Variants in CTNND2 observed in about 807,000 individuals in gnomAD.
The protein encoded by CTNND2 is catenin delta-2.
CTNND2 carries 22 observed loss-of-function variants against 144.4 expected under a neutral mutation model. The observed-to-expected ratio is 0.15, with a 90% confidence interval of 0.11 to 0.22. The LOEUF is 0.22. CTNND2 is among the 10% of genes least tolerant of loss of function. The pLI is 1.00. For missense variants in CTNND2, 1,353 were observed against 1,618.8 expected (o/e 0.84, Z 2.82); for synonymous variants, 751 against 695.6 (o/e 1.08, Z -1.25).
rs78571061 is a variant in CTNND2, at chr5:11,530,769, C to T, written c.287+34175G>A. 2.8e-3 allele frequency among the ~76,000 whole-genome samples: 431 copies of T among 152,230 alleles called. 9 individuals are homozygous for T. The East Asian group carries it at 0.051, about 18-fold the overall frequency. ...TCTACAACTACGTGTTTCTAGCTTC[C>T]CTTTTGTACTTAGCAAACATGATGG... On this transcript the variant is annotated intron_variant, in intron 3 of 21. Coordinates refer to ENST00000304623, the MANE Select transcript of CTNND2 (RefSeq NM_001332.4).
At chr5:11,814,207 A>AT in intron 1 of CTNND2, among the ~76,000 whole-genome samples, 1 of 152,354 alleles carries the variant, frequency 6.6e-6, no homozygotes, top group African/African-American at 2.4e-5. Context: ...GCCAATGTAG[A>AT]TTTTTTACAT....
At chr5:11,706,757 T>C (rs558657697) in intron 2 of CTNND2, among the ~76,000 whole-genome samples, 1 of 152,236 alleles carries the variant, frequency 6.6e-6, no homozygotes, top group African/African-American at 2.4e-5. Flanking sequence ...TTAGTTTTTT[T>C]TGATGATGAA....
intron 12 of CTNND2, among the ~76,000 whole-genome samples, chr5:11,135,647 A>T (rs1047449148): frequency 1.1e-4 from 17 of 152,354 alleles, no homozygotes; most frequent in Middle Eastern, 3.4e-3. Flanking sequence ...TATGCTGAAA[A>T]TCAAATACAT....
chr5:11,377,198 G>A (rs958973598), intron 7 of CTNND2, among the ~76,000 whole-genome samples: 30 of 151,886 alleles, frequency 2.0e-4, no homozygotes, highest in Non-Finnish European at 2.6e-4. Context: ...TTACAGGCAC[G>A]CGCCGCCACA....
intron 2 of CTNND2, among the ~76,000 whole-genome samples, chr5:11,648,610 T>G (rs111602630): frequency 1.3e-5 from 2 of 151,798 alleles, no homozygotes; most frequent in African/African-American, 4.9e-5. Flanking sequence ...TAAAGTTACA[T>G]TTTTTTCCAA....
intron 9 of CTNND2, among the ~76,000 whole-genome samples, chr5:11,240,423 C>A (rs1742192037): frequency 7.6e-6 from 1 of 130,886 alleles, no homozygotes; most frequent in Admixed American, 7.6e-5. Context: ...CACACACTGA[C>A]ACACACTCAC....
At chr5:11,651,611 A>T (rs1405992928) in intron 2 of CTNND2, among the ~76,000 whole-genome samples, 1 of 152,248 alleles carries the variant, frequency 6.6e-6, no homozygotes, top group Non-Finnish European at 1.5e-5. Flanking sequence ...GCAGCCACAG[A>T]AGCTGTAACC....
At chr5:11,412,334 C>T (rs1314430935) in intron 3 of CTNND2, among the ~76,000 whole-genome samples, 1 of 152,042 alleles carries the variant, frequency 6.6e-6, no homozygotes, top group African/African-American at 2.4e-5. Flanking sequence ...TTTACAAAGC[C>T]CAACCTGTTA....
intron 1 of CTNND2, among the ~76,000 whole-genome samples, chr5:11,765,118 A>G (rs1789507612): frequency 6.7e-6 from 1 of 148,626 alleles, no homozygotes; most frequent in African/African-American, 2.5e-5. Context: ...AGAGAATACC[A>G]GACCAATTTA....
intron 2 of CTNND2, among the ~76,000 whole-genome samples, chr5:11,652,648 G>T: frequency 6.6e-6 from 1 of 151,904 alleles, no homozygotes; most frequent in East Asian, 1.9e-4. Context: ...GTTTTTGATT[G>T]TTCTGATACA....
chr5:11,746,128 C>G (rs1469172574), intron 1 of CTNND2, among the ~76,000 whole-genome samples: 1 of 152,092 alleles, frequency 6.6e-6, no homozygotes, highest in African/African-American at 2.4e-5. Context: ...TGTTGCCTCT[C>G]CTCTCACACC....
intron 1 of CTNND2, among the ~76,000 whole-genome samples, chr5:11,841,387 T>C (rs771366565): frequency 2.6e-4 from 40 of 152,168 alleles, no homozygotes; most frequent in Non-Finnish European, 5.3e-4. Flanking sequence ...TACAGTTAAA[T>C]AATTATCTAA....
intron 2 of CTNND2, among the ~76,000 whole-genome samples, chr5:11,722,223 C>T (rs1786728438): frequency 6.6e-6 from 1 of 152,124 alleles, no homozygotes; most frequent in Admixed American, 6.5e-5. Flanking sequence ...AAAGTAAACC[C>T]TCACATGAGC....
intron 3 of CTNND2, among the ~76,000 whole-genome samples, chr5:11,483,546 T>C (rs1272222121): frequency 6.6e-6 from 1 of 152,134 alleles, no homozygotes; most frequent in Admixed American, 6.6e-5. Flanking sequence ...AAGAAGAGAT[T>C]TGTGTACCTT....
intron 2 of CTNND2, among the ~76,000 whole-genome samples, chr5:11,681,257 A>G (rs1561688170): frequency 6.6e-6 from 1 of 152,240 alleles, no homozygotes; most frequent in Non-Finnish European, 1.5e-5. Context: ...AGTGTTCAAC[A>G]GTTTAGAAGA....
intron 9 of CTNND2, among the ~76,000 whole-genome samples, chr5:11,326,314 T>C (rs1752513300): frequency 6.6e-6 from 1 of 152,148 alleles, no homozygotes; most frequent in Admixed American, 6.6e-5. Flanking sequence ...TTGAGAAGGT[T>C]TGTCCATAGT....
intron 1 of CTNND2, among the ~76,000 whole-genome samples, chr5:11,857,954 G>A (rs574589146): frequency 6.6e-6 from 1 of 152,320 alleles, no homozygotes; most frequent in South Asian, 2.1e-4. Context: ...CAGATAGGAA[G>A]CACAGAAACT....
intron 3 of CTNND2, among the ~76,000 whole-genome samples, chr5:11,460,728 T>C (rs1766127715): frequency 6.6e-6 from 1 of 152,136 alleles, no homozygotes; most frequent in South Asian, 2.1e-4. Context: ...TGCTCAAATA[T>C]CACTTTACCT....
chr5:11,147,514 C>A (rs779720061), intron 12 of CTNND2, among the ~76,000 whole-genome samples: 4 of 152,110 alleles, frequency 2.6e-5, no homozygotes, highest in Non-Finnish European at 5.9e-5. Context: ...CTTGCAGGCC[C>A]AGGCCAGCTA....
Sources: gnomAD v4.1 joint callset for allele counts (sites outside exome capture counted in the v4.1 genomes callset) on GRCh38, gnomAD v4.1.1 for gene constraint, MANE v1.5 for transcripts, NCBI Gene and HGNC (gene_info 2026-07-23, HGNC 2026-07-21) for gene names.